The following WDR64 variants were observed in gnomAD, a reference collection of about 807,000 sequenced individuals.
The protein encoded by WDR64 is WD repeat-containing protein 64.
Under a neutral mutation model 139.3 loss-of-function variants are expected in WDR64, and 112 were observed. The observed-to-expected ratio is 0.80, with a 90% CI of 0.69 to 0.94. The LOEUF is 0.94. Ranked by LOEUF, WDR64 falls within the 40% of genes least tolerant of loss-of-function variation. The pLI, the probability that WDR64 is intolerant of heterozygous loss-of-function variation, is 0.00. For missense variants in WDR64, 1,206 were observed against 1,293.1 expected, an observed-to-expected ratio of 0.93 and a Z score of 1.03; for synonymous variants, 444 against 437.7, an observed-to-expected ratio of 1.01 and a Z score of -0.18.
At chr1:241,704,077 T>A (rs1336127794) in intron 8 of WDR64, among the ~76,000 whole-genome samples, 1 of 152,158 alleles carries the variant, frequency 6.6e-6, no homozygotes, top group Non-Finnish European at 1.5e-5. Context: ...CTACATTTTA[T>A]CTTGTTATTA....
At chr1:241,780,143 G>C (rs1385038057) in intron 22 of WDR64, 81 bp downstream of exon 22, 7 of 1,182,132 alleles carry the variant, frequency 5.9e-6, no homozygotes, top group East Asian at 5.4e-5. Context: ...CACCATAAAG[G>C]ATAGAAATAC....
chr1:241,741,455 ACC>A, intron 11 of WDR64, 59 bp from the exon 12 acceptor site: 1 of 1,490,766 alleles, frequency 6.7e-7, no homozygotes, highest in Middle Eastern at 2.1e-4. Context: ...CTTGGCTGAA[ACC>A]CTTTGTGATT....
intron 11 of WDR64, among the ~76,000 whole-genome samples, chr1:241,740,979 C>T (rs1258665754): frequency 6.6e-6 from 1 of 152,208 alleles, no homozygotes; most frequent in Non-Finnish European, 1.5e-5. Flanking sequence ...AGAAATTAAT[C>T]TTATTTTTAT....
chr1:241,691,043 A>G (rs965575028), intron 8 of WDR64, among the ~76,000 whole-genome samples: 6 of 152,162 alleles, frequency 3.9e-5, no homozygotes, highest in African/African-American at 1.2e-4. Context: ...GTTTATTTTA[A>G]TATACTTGTA....
rs192370051 is a variant in WDR64, at chr1:241,771,967, T to C, written c.2290+270T>C. ...ATACATATATATATATATATATATA[T>C]ATATATATATATATATATATATTCT... On this transcript the variant is annotated intron_variant, in intron 19 of 27. Coordinates refer to ENST00000437684, the MANE Select transcript of WDR64 (RefSeq NM_001367482.1). Among the ~76,000 whole-genome samples, 593 of 122,006 alleles carry C rather than the reference T, an allele frequency of 4.9e-3. 9 individuals carry two copies. Among genetic ancestry groups the C allele is most frequent in the African/African-American group, 0.018 (556 of 31,200 alleles). The allele number at this position is 122,006 out of a possible 152,430, so 80.0% of individuals were successfully genotyped here.
At chr1:241,782,265 C>A (rs1429433993) in intron 22 of WDR64, among the ~76,000 whole-genome samples, 1 of 152,156 alleles carries the variant, frequency 6.6e-6, no homozygotes, top group Non-Finnish European at 1.5e-5. Context: ...TGCAGCCTGG[C>A]AACAGAGCGA....
chr1:241,780,175 A>C, intron 22 of WDR64, 113 bp downstream of exon 22: 1 of 886,878 alleles, frequency 1.1e-6, no homozygotes, highest in East Asian at 3.1e-5. Context: ...TTGTCAAGGC[A>C]CATATACTAT....
At chr1:241,709,574 A>G (rs968954237) in intron 8 of WDR64, among the ~76,000 whole-genome samples, 4 of 152,162 alleles carry the variant, frequency 2.6e-5, no homozygotes, top group African/African-American at 9.7e-5. Context: ...TGGTCATGCC[A>G]TTGCACTCCA....
rs530273059 is a variant in WDR64 at position 241,770,604 on chromosome 1, C to T, written c.2184-17C>T. ...ATCTTAAAGTTTTACCTGTGGGCTT[C>T]CCCACTCCCCTTATAGGAGATCAAG... On this transcript the variant is annotated splice_polypyrimidine_tract_variant and intron_variant, in intron 17 of 27. Transcript: ENST00000437684. 2.6e-6 allele frequency: 4 copies of T among 1,548,496 alleles called. No homozygotes were observed. Among genetic ancestry groups the T allele is most frequent in the South Asian group, 2.4e-5 (2 of 83,388 alleles).
At chr1:241,707,879 TA>T (rs1044709808) in intron 8 of WDR64, among the ~76,000 whole-genome samples, 1 of 152,224 alleles carries the variant, frequency 6.6e-6, no homozygotes, top group African/African-American at 2.4e-5. Context: ...GTGACTTTTC[TA>T]AAGTCATATA....
At chr1:241,666,210 C>T (rs914515414) in intron 2 of WDR64, among the ~76,000 whole-genome samples, 1 of 152,146 alleles carries the variant, frequency 6.6e-6, no homozygotes, top group Admixed American at 6.5e-5. Context: ...AACATTACTA[C>T]ACTGAAACTG....
chr1:241,684,458 T>G (rs1351716529), intron 7 of WDR64, among the ~76,000 whole-genome samples: 1 of 152,254 alleles, frequency 6.6e-6, no homozygotes, highest in Non-Finnish European at 1.5e-5. Flanking sequence ...AGGTATGTAT[T>G]ACTTTTATTA....
chr1:241,675,888 A>G (rs942073451), intron 4 of WDR64, among the ~76,000 whole-genome samples: 1 of 152,180 alleles, frequency 6.6e-6, no homozygotes, highest in Non-Finnish European at 1.5e-5. Context: ...GTAATTTTGG[A>G]CTTTCACTTT....
chr1:241,737,705 AC>A (rs1198982989), intron 10 of WDR64, among the ~76,000 whole-genome samples: 4 of 152,162 alleles, frequency 2.6e-5, no homozygotes, highest in Non-Finnish European at 4.4e-5. Context: ...CACAGACTTA[AC>A]CTAGTTTTGC....
intron 15 of WDR64, among the ~76,000 whole-genome samples, chr1:241,762,774 CAAAA>C (rs71691250): frequency 9.0e-5 from 12 of 133,220 alleles, no homozygotes; most frequent in Non-Finnish European, 1.3e-4. Context: ...AGCTTCCTTG[CAAAA>C]AAAAAAAAAT....
chr1:241,709,645 G>C (rs1668086064), intron 8 of WDR64, among the ~76,000 whole-genome samples: 1 of 152,090 alleles, frequency 6.6e-6, no homozygotes, highest in South Asian at 2.1e-4. Flanking sequence ...TAGGCTTTGT[G>C]AGCCCCAGTT....
At chr1:241,712,161 ATTT>A (rs1252963796) in intron 9 of WDR64, among the ~76,000 whole-genome samples, 1 of 152,038 alleles carries the variant, frequency 6.6e-6, no homozygotes, top group South Asian at 2.1e-4. Context: ...TCTGGAGCTT[ATTT>A]TATGTGTGAG....
intron 8 of WDR64, among the ~76,000 whole-genome samples, chr1:241,698,418 A>T (rs1164787062): frequency 1.3e-5 from 2 of 151,960 alleles, no homozygotes. Context: ...CCTCAATATT[A>T]TCCCTGTCAA....
rs1267158188 is a variant in WDR64 at position 241,769,493 on chromosome 1, C to A, written c.2171C>A (p.Pro724His). 1 of 1,551,284 alleles carries A rather than the reference C, an allele frequency of 6.4e-7. No individual in the cohort carries two copies. The highest frequency in any genetic ancestry group is 2.0e-5 in the Admixed American group (1 of 51,002). The change falls in exon 17 of 28, where the codon CCT (proline) becomes CAT (histidine). Residue 724 changes from proline to histidine, a missense_variant. By Grantham distance (77) the Pro-to-His change is moderately conservative (BLOSUM62 -2). Transcript: ENST00000437684. ...INDILFLFRT[P>H]ECARRSSQDS... ...GACATACTGTTCCTCTTTCGTACCC[C>A]TGAATGTGCAAGGTAACTCGTTACT...
Sources: gnomAD v4.1 joint callset for allele counts (sites outside exome capture counted in the v4.1 genomes callset) on GRCh38, gnomAD v4.1.1 for gene constraint, MANE v1.5 for transcripts, NCBI Gene and HGNC (gene_info 2026-07-23, HGNC 2026-07-21) for gene names.